Variants in RIPOR2 observed in about 807,000 individuals in gnomAD.
The protein encoded by RIPOR2 is rho family-interacting cell polarization regulator 2.
A neutral mutation model predicts 114.5 loss-of-function variants in RIPOR2; 39 were observed. The ratio of observed to expected loss-of-function variants is 0.34; its 90% confidence interval spans 0.26 to 0.44. RIPOR2 has a LOEUF of 0.44. Among genes scored for constraint, RIPOR2 ranks in the 20% least tolerant of loss-of-function variants. RIPOR2 has a pLI of 1.00. For missense variants in RIPOR2, 1,007 were observed against 1,255.1 expected, an observed-to-expected ratio of 0.80 and a Z score of 2.99; for synonymous variants, 445 against 484.4, an observed-to-expected ratio of 0.92 and a Z score of 1.07.
intron 5 of RIPOR2, among the ~76,000 whole-genome samples, chr6:24,869,846 G>T (rs73398481): frequency 0.02 from 3,025 of 152,176 alleles, 49 homozygotes; most frequent in African/African-American, 0.045. Context: ...TGAAATTGGG[G>T]TGCATTTTAC....
chr6:24,846,004 G>A lies in RIPOR2; in HGVS notation c.1164+2021C>T, dbSNP rs180834635. On this transcript the variant is annotated intron_variant, in intron 12 of 21. Transcript: ENST00000643898. ...GGGCTGTGGCCAGATGGGAACAGCC[G>A]CTCTGAGGACCTTTGCATTTATCTA... Among the ~76,000 whole-genome samples, 425 of 152,262 alleles carry A rather than the reference G, an allele frequency of 2.8e-3. 2 individuals are homozygous for A. Among genetic ancestry groups the A allele is most frequent in the African/African-American group, 9.6e-3 (398 of 41,560 alleles).
In RIPOR2 at chr6:25,017,064, G is replaced by A. The variant is rs1343311473; in HGVS notation, c.76+24787C>T. Among the ~76,000 whole-genome samples, 3 of 152,346 alleles carry A rather than the reference G, an allele frequency of 2.0e-5. No individual in the cohort carries two copies. The East Asian group carries it at 5.8e-4, about 29-fold the overall frequency. On this transcript the variant is annotated intron_variant, in intron 1 of 13. Transcript: ENST00000510784. ...AACAGTGTTAAAAGAAGTGGCACCG[G>A]CACGGTGGCTCACGCCTGTAATCCC...
chr6:24,979,300 T>G (rs1000181069), intron 1 of RIPOR2, among the ~76,000 whole-genome samples: 4 of 149,718 alleles, frequency 2.7e-5, no homozygotes, highest in Non-Finnish European at 5.9e-5. Context: ...TTTTTTTTTT[T>G]TTTTTGCTGT....
chr6:25,033,169 G>T (rs145085583), intron 1 of RIPOR2, among the ~76,000 whole-genome samples: 1 of 151,464 alleles, frequency 6.6e-6, no homozygotes, highest in Non-Finnish European at 1.5e-5. Context: ...GAGCCGCGAC[G>T]GCGCCACACG....
intron 19 of RIPOR2, among the ~76,000 whole-genome samples, chr6:24,819,971 T>C (rs1759530424): frequency 6.6e-6 from 1 of 152,114 alleles, no homozygotes; most frequent in African/African-American, 2.4e-5. Context: ...CTTTTGATTT[T>C]GTTGGGCTAT....
chr6:24,909,313 A>T (rs1769313451), intron 1 of RIPOR2, among the ~76,000 whole-genome samples: 1 of 151,880 alleles, frequency 6.6e-6, no homozygotes, highest in South Asian at 2.1e-4. Flanking sequence ...TTCCTAATTA[A>T]CCACTGGAGA....
chr6:24,986,321 C>T (rs1048441145), intron 1 of RIPOR2, among the ~76,000 whole-genome samples: 3 of 152,184 alleles, frequency 2.0e-5, no homozygotes, highest in Non-Finnish European at 4.4e-5. Context: ...TGTCCATGCT[C>T]TTAACCACTG....
chr6:24,862,993 C>T (rs1419794572), intron 7 of RIPOR2, among the ~76,000 whole-genome samples: 1 of 152,064 alleles, frequency 6.6e-6, no homozygotes, highest in East Asian at 1.9e-4. Context: ...CTATCTGTCA[C>T]CCAGGCTGGA....
intron 12 of RIPOR2, among the ~76,000 whole-genome samples, chr6:24,846,180 C>T (rs956037246): frequency 2.0e-5 from 3 of 151,902 alleles, no homozygotes; most frequent in Non-Finnish European, 4.4e-5. Context: ...TTAACGGTTG[C>T]GTGTATAGCT....
intron 1 of RIPOR2, among the ~76,000 whole-genome samples, chr6:25,004,468 C>G (rs1050506946): frequency 4.6e-5 from 7 of 152,264 alleles, no homozygotes; most frequent in East Asian, 3.9e-4. Flanking sequence ...CCATTCACCC[C>G]CTGTACTGGA....
intron 1 of RIPOR2, among the ~76,000 whole-genome samples, chr6:25,017,479 C>G (rs544643691): frequency 6.6e-6 from 1 of 152,320 alleles, no homozygotes; most frequent in African/African-American, 2.4e-5. Context: ...CTGATGCTCC[C>G]CAGATTTTCT....
At chr6:25,038,176 T>A (rs1220004912) in intron 1 of RIPOR2, among the ~76,000 whole-genome samples, 1 of 152,208 alleles carries the variant, frequency 6.6e-6, no homozygotes, top group Non-Finnish European at 1.5e-5. Flanking sequence ...AACAAACAAA[T>A]GAGCAAACAA....
chr6:24,913,994 T>C (rs974636939), intron 1 of RIPOR2, among the ~76,000 whole-genome samples: 23 of 152,132 alleles, frequency 1.5e-4, no homozygotes, highest in Non-Finnish European at 5.9e-5. Context: ...AATCGTTTAA[T>C]ACAAGTCAGG....
chr6:24,830,413 G>A, intron 17 of RIPOR2, 96 bp downstream of exon 17: 1 of 992,674 alleles, frequency 1.0e-6, no homozygotes, highest in East Asian at 2.6e-5. Context: ...CCCATCTGCA[G>A]GCAAGTGGTA....
At chr6:24,829,643 T>C (rs1760494970) in intron 17 of RIPOR2, among the ~76,000 whole-genome samples, 3 of 152,324 alleles carry the variant, frequency 2.0e-5, no homozygotes, top group African/African-American at 4.8e-5. Context: ...TTTTTAAAAA[T>C]TGCTGTGTAA....
intron 1 of RIPOR2, chr6:24,976,344 T>C (rs1774041956): frequency 1.0e-6 from 1 of 979,476 alleles, no homozygotes; most frequent in Non-Finnish European, 1.6e-6. Flanking sequence ...TAAATTATTC[T>C]AGAAAATATG....
intron 1 of RIPOR2, among the ~76,000 whole-genome samples, chr6:24,997,069 T>G (rs143607527): frequency 4.6e-4 from 70 of 152,362 alleles, no homozygotes; most frequent in Middle Eastern, 3.4e-3. Context: ...CTAGCGAGGA[T>G]GGAGTCCAAT....
chr6:25,001,753 G>T (rs1377507763), intron 1 of RIPOR2, among the ~76,000 whole-genome samples: 3 of 139,794 alleles, frequency 2.1e-5, no homozygotes, highest in African/African-American at 8.1e-5. Flanking sequence ...AGGCTGGAGT[G>T]CAGTGGCGCG....
chr6:24,869,248 A>G, intron 5 of RIPOR2, 101 bp from the exon 6 acceptor site: 1 of 587,666 alleles, frequency 1.7e-6, no homozygotes, highest in South Asian at 2.3e-5. Context: ...AGTATTAGAA[A>G]ATCCAATATA....
Sources: gnomAD v4.1 joint callset for allele counts (sites outside exome capture counted in the v4.1 genomes callset) on GRCh38, gnomAD v4.1.1 for gene constraint, MANE v1.5 for transcripts, NCBI Gene and HGNC (gene_info 2026-07-23, HGNC 2026-07-21) for gene names.